PCDH15: variants seen among roughly 807,000 people sequenced by gnomAD.
PCDH15 encodes protocadherin-15.
A neutral mutation model predicts 178.5 loss-of-function variants in PCDH15; 129 were observed. That is an observed-to-expected ratio of 0.72 (90% CI 0.63 to 0.84). The LOEUF is 0.84. Among genes scored for constraint, PCDH15 ranks in the 40% least tolerant of loss-of-function variants. The pLI is 0.00. For missense variants in PCDH15, 2,230 were observed against 2,099.9 expected (o/e 1.06, Z -1.21); for synonymous variants, 800 against 732.0 (o/e 1.09, Z -1.50).
intron 21 of PCDH15, among the ~76,000 whole-genome samples, chr10:53,979,438 C>A (rs564548546): frequency 8.3e-4 from 126 of 152,202 alleles, no homozygotes; most frequent in Admixed American, 1.4e-3. Context: ...ATGGGAACTA[C>A]GGTTCAAGAT....
intron 2 of PCDH15, among the ~76,000 whole-genome samples, chr10:55,543,413 C>A (rs1196683603): frequency 6.7e-6 from 1 of 149,194 alleles, no homozygotes; most frequent in Non-Finnish European, 1.5e-5. Flanking sequence ...AAATACTGTA[C>A]CCCTCAACAA....
At chr10:55,176,514 G>A (rs571303942) in intron 1 of PCDH15, among the ~76,000 whole-genome samples, 68 of 152,170 alleles carry the variant, frequency 4.5e-4, no homozygotes, top group Admixed American at 1.6e-3. Flanking sequence ...CCAGAGACAA[G>A]ATCCCAAAAA....
rs770984436 is a variant in PCDH15 at position 54,853,283 on chromosome 10, A to ATG, written c.-29+44165_-29+44166dup. Among the ~76,000 whole-genome samples, 228 of 75,072 alleles carry ATG rather than the reference A, an allele frequency of 3.0e-3. 3 individuals carry two copies. Among genetic ancestry groups the ATG allele is most frequent in the African/African-American group, 6.2e-3 (146 of 23,566 alleles). The allele number at this position is 75,072 out of a possible 152,430, so 49.3% of individuals were successfully genotyped here. A position where few individuals can be genotyped will look rare whatever the true frequency, so the allele number is the denominator to read the frequency against. On this transcript the variant is annotated intron_variant, in intron 3 of 5. Coordinates refer to the PCDH15 transcript ENST00000458638. Reference sequence around the variant, plus strand: ...CTCAAATATATATATATGTGTATGTATGTGTGTATATATATATATATATAT... The same window carrying ATG: ...CTCAAATATATATATATGTGTATGTATGTGTGTGTATATATATATATATATAT...
chr10:55,266,950 AC>A (rs1842315097), intron 1 of PCDH15, among the ~76,000 whole-genome samples: 1 of 152,024 alleles, frequency 6.6e-6, no homozygotes, highest in Admixed American at 6.5e-5. Flanking sequence ...GTTAACATTT[AC>A]CCCTAGATGC....
intron 29 of PCDH15, among the ~76,000 whole-genome samples, chr10:53,836,857 A>G (rs1386896853): frequency 1.3e-5 from 2 of 152,214 alleles, no homozygotes; most frequent in Non-Finnish European, 2.9e-5. Context: ...AACTCTGATT[A>G]ATACATTGCA....
At chr10:54,454,394 T>C (rs1377943635) in intron 3 of PCDH15, among the ~76,000 whole-genome samples, 2 of 149,030 alleles carry the variant, frequency 1.3e-5, no homozygotes, top group African/African-American at 4.9e-5. Context: ...ACTAAATCTA[T>C]AGTATTCAAC....
chr10:54,853,348 T>C lies in PCDH15; in HGVS notation c.-29+44102A>G, dbSNP rs964782027. ...ACACACACATATACATATATATACA[T>C]ATATATATACACACACACATATATA... On this transcript the variant is annotated intron_variant, in intron 3 of 5. Transcript: ENST00000458638. Among the ~76,000 whole-genome samples, 562 of 115,156 alleles carry C rather than the reference T, an allele frequency of 4.9e-3. 2 individuals are homozygous for C. Among genetic ancestry groups the C allele is most frequent in the Non-Finnish European group, 7.1e-3 (414 of 57,958 alleles). 75.5% of individuals were successfully genotyped at this position (115,156 alleles called of 152,430 possible).
At chr10:54,656,280 A>G (rs1182486393) in intron 2 of PCDH15, among the ~76,000 whole-genome samples, 1 of 152,024 alleles carries the variant, frequency 6.6e-6, no homozygotes, top group Non-Finnish European at 1.5e-5. Context: ...GTACAGAAAA[A>G]GAAAGCAGGA....
intron 1 of PCDH15, among the ~76,000 whole-genome samples, chr10:54,735,249 C>G (rs1471691129): frequency 2.0e-5 from 3 of 151,990 alleles, no homozygotes; most frequent in African/African-American, 7.2e-5. Context: ...GTTAATTCTA[C>G]TATTTTATTA....
At chr10:54,603,858 T>C (rs1303863203) in intron 2 of PCDH15, among the ~76,000 whole-genome samples, 2 of 152,042 alleles carry the variant, frequency 1.3e-5, no homozygotes, top group African/African-American at 4.8e-5. Flanking sequence ...GAGAGGTTGT[T>C]TGATATTGCA....
Position 55,343,671 on chromosome 10 carries a change from G to A in PCDH15, c.-155-177020C>T, listed in dbSNP as rs964870254. ...AAGGTCTTGGGTCACTAAATAATAT[G>A]TGTATTGACTGGTGGTGTAGCTTGT... On this transcript the variant is annotated intron_variant, in intron 2 of 5. Transcript: ENST00000613346. 3.3e-5 allele frequency among the ~76,000 whole-genome samples: 5 copies of A among 151,232 alleles called. No homozygotes were observed. The East Asian group carries it at 9.8e-4, about 30-fold the overall frequency.
At position 55,335,282 on chromosome 10, in the gene PCDH15, G is replaced by C. The variant is rs899009764; in HGVS notation, c.-155-168631C>G. Reference sequence around the variant, plus strand: ...ATGGAGATATGGAGAGCCTGAGAAGGGGGAGGGCAGGTGAAAAAGTTCTGG... The same window carrying C: ...ATGGAGATATGGAGAGCCTGAGAAGCGGGAGGGCAGGTGAAAAAGTTCTGG... On this transcript the variant is annotated intron_variant, in intron 2 of 5. Coordinates refer to the PCDH15 transcript ENST00000613346. Among the ~76,000 whole-genome samples the C allele has an allele frequency of 3.9e-5, 6 of 152,274 alleles. 1 individual carries two copies. Among genetic ancestry groups the C allele is most frequent in the African/African-American group, 1.4e-4 (6 of 41,562 alleles).
chr10:54,966,950 A>C (rs548359739), intron 2 of PCDH15, among the ~76,000 whole-genome samples: 1 of 152,242 alleles, frequency 6.6e-6, no homozygotes, highest in African/African-American at 2.4e-5. Flanking sequence ...AACATAGAAA[A>C]GGTCCAGTAA....
chr10:55,519,297 A>AAG (rs1810019017), intron 2 of PCDH15, among the ~76,000 whole-genome samples: 1 of 150,888 alleles, frequency 6.6e-6, no homozygotes, highest in Admixed American at 6.6e-5. Flanking sequence ...AAAAAAAAAA[A>AAG]AAACCCAATA....
chr10:55,580,104 G>C (rs1039344791), intron 2 of PCDH15, among the ~76,000 whole-genome samples: 1 of 151,952 alleles, frequency 6.6e-6, no homozygotes, highest in Admixed American at 6.6e-5. Flanking sequence ...TGATCCACCC[G>C]CCTCGGCCTC....
chr10:54,469,191 G>A (rs1031121181), intron 3 of PCDH15, among the ~76,000 whole-genome samples: 2 of 152,166 alleles, frequency 1.3e-5, no homozygotes, highest in Admixed American at 6.6e-5. Flanking sequence ...CCACCTCCAA[G>A]GTTCAAGCTT....
intron 2 of PCDH15, among the ~76,000 whole-genome samples, chr10:55,150,335 T>C (rs1251509155): frequency 1.3e-5 from 2 of 152,150 alleles, no homozygotes; most frequent in Non-Finnish European, 2.9e-5. Context: ...ACAGAATTTC[T>C]GAAAGCTCTG....
chr10:54,395,600 G>C (rs1002550626), intron 3 of PCDH15, among the ~76,000 whole-genome samples: 2 of 151,012 alleles, frequency 1.3e-5, no homozygotes, highest in Non-Finnish European at 2.9e-5. Flanking sequence ...TTTGATTAAA[G>C]TCACAGTTTC....
chr10:55,238,145 C>CTTTTTTTTT (rs758000610), intron 1 of PCDH15, among the ~76,000 whole-genome samples: 8 of 124,450 alleles, frequency 6.4e-5, no homozygotes, highest in Non-Finnish European at 1.0e-4. Flanking sequence ...TTCATATTTT[C>CTTTTTTTTT]TTTTTTTTTT....
Sources: gnomAD v4.1 joint callset for allele counts (sites outside exome capture counted in the v4.1 genomes callset) on GRCh38, gnomAD v4.1.1 for gene constraint, MANE v1.5 for transcripts, NCBI Gene and HGNC (gene_info 2026-07-23, HGNC 2026-07-21) for gene names.